ZNF385B: variants seen among roughly 807,000 people sequenced by gnomAD.
The protein encoded by ZNF385B is zinc finger protein 533.
Under a neutral mutation model 39.2 loss-of-function variants are expected in ZNF385B, and 23 were observed. That is an observed-to-expected ratio of 0.59 (90% CI 0.42 to 0.83). The LOEUF (loss-of-function observed/expected upper bound fraction) is 0.83, where lower values mean the gene tolerates loss of function less well. ZNF385B is among the 40% of genes least tolerant of loss of function. The probability of loss-of-function intolerance (pLI) is 0.00; values close to 1 mark genes in which losing one functional copy is unlikely to be tolerated. For missense variants in ZNF385B, 552 were observed against 598.9 expected, an observed-to-expected ratio of 0.92 and a Z score of 0.82; for synonymous variants, 205 against 222.6, an observed-to-expected ratio of 0.92 and a Z score of 0.70.
intron 3 of ZNF385B, among the ~76,000 whole-genome samples, chr2:179,761,604 G>T (rs1455450519): frequency 1.3e-5 from 2 of 150,784 alleles, no homozygotes; most frequent in South Asian, 2.1e-4. Flanking sequence ...TTTGAGACAG[G>T]TTCTCACTCT....
At position 179,827,731 on chromosome 2, in the gene ZNF385B, T is replaced by C. The variant is rs909473628; in HGVS notation, c.-155+33370A>G. On this transcript the variant is annotated intron_variant, in intron 1 of 9. Transcript: ENST00000410066. ...AAACATTGCCTTTCTTCTAGCATGC[T>C]GTTAAAACATAACATACATGCATAC... Among the ~76,000 whole-genome samples, 9 of 152,338 alleles carry C rather than the reference T, an allele frequency of 5.9e-5. No individual in the cohort carries two copies. The East Asian group carries it at 1.7e-3, about 29-fold the overall frequency.
At chr2:179,645,313 C>T (rs1692622577) in intron 3 of ZNF385B, among the ~76,000 whole-genome samples, 1 of 152,188 alleles carries the variant, frequency 6.6e-6, no homozygotes, top group African/African-American at 2.4e-5. Flanking sequence ...CCTTCCAGGG[C>T]TGGCTCTTAA....
intron 1 of ZNF385B, among the ~76,000 whole-genome samples, chr2:179,804,012 G>C (rs186153256): frequency 6.6e-6 from 1 of 152,120 alleles, no homozygotes. Flanking sequence ...AGGTCATTTG[G>C]GATCCAAAGC....
At chr2:179,782,793 A>C (rs948699368) in intron 1 of ZNF385B, among the ~76,000 whole-genome samples, 5 of 152,120 alleles carry the variant, frequency 3.3e-5, no homozygotes, top group African/African-American at 1.2e-4. Flanking sequence ...GAGGATCTCT[A>C]TGATGAGAAT....
intron 3 of ZNF385B, among the ~76,000 whole-genome samples, chr2:179,692,507 C>T (rs1214392893): frequency 2.0e-5 from 3 of 152,152 alleles, no homozygotes; most frequent in Non-Finnish European, 4.4e-5. Context: ...CTCCCCAACC[C>T]CATGTCAGTT....
At chr2:179,553,239 C>T (rs2060693968) in intron 3 of ZNF385B, among the ~76,000 whole-genome samples, 2 of 148,700 alleles carry the variant, frequency 1.3e-5, no homozygotes, top group Non-Finnish European at 3.0e-5. Context: ...ACTTATTTGA[C>T]CTTAGTGTAG....
At chr2:179,486,042 A>G (rs2054535884) in intron 5 of ZNF385B, among the ~76,000 whole-genome samples, 1 of 152,204 alleles carries the variant, frequency 6.6e-6, no homozygotes, top group African/African-American at 2.4e-5. Context: ...CGTGGGGAGA[A>G]AAGTGTAACA....
Position 179,726,943 on chromosome 2 carries a change from G to C in ZNF385B, c.298+42560C>G, listed in dbSNP as rs115878432. On this transcript the variant is annotated intron_variant, in intron 3 of 9. Coordinates refer to ENST00000410066, the MANE Select transcript of ZNF385B (RefSeq NM_152520.6). ...ACATTGAGCTAGTTAATGAAGAATG[G>C]AGATTAGAATCCACATTACTTTAAC... Among the ~76,000 whole-genome samples, 1,144 of 152,142 alleles carry C rather than the reference G, an allele frequency of 7.5e-3. 15 individuals are homozygous for C. The highest frequency in any genetic ancestry group is 0.026 in the African/African-American group (1,080 of 41,550).
chr2:179,635,666 C>A (rs567976375), intron 3 of ZNF385B, among the ~76,000 whole-genome samples: 1 of 152,022 alleles, frequency 6.6e-6, no homozygotes, highest in Non-Finnish European at 1.5e-5. Context: ...ATAGAAATCA[C>A]AAAATATGAA....
chr2:179,601,774 C>G (rs1688429149), intron 3 of ZNF385B, among the ~76,000 whole-genome samples: 1 of 152,068 alleles, frequency 6.6e-6, no homozygotes, highest in South Asian at 2.1e-4. Context: ...CTTAAAGAAT[C>G]AAGAGAGCCA....
intron 1 of ZNF385B, among the ~76,000 whole-genome samples, chr2:179,809,067 C>CTG (rs1706570524): frequency 6.6e-6 from 1 of 152,148 alleles, no homozygotes; most frequent in African/African-American, 2.4e-5. Context: ...AGGTTGATAG[C>CTG]TGTCAAGCTA....
chr2:179,493,425 AC>A lies in ZNF385B; in HGVS notation c.553-9992del, dbSNP rs1390509078. ...CATATATGTACACAAATGCATGTGT[AC>A]ATATATGTACGTATATGCATGTGTA... On this transcript the variant is annotated intron_variant, in intron 5 of 9. Transcript: ENST00000410066. Among the ~76,000 whole-genome samples the A allele has an allele frequency of 4.0e-5, 6 of 151,742 alleles. No homozygotes were observed. The East Asian group carries it at 5.8e-4, about 15-fold the overall frequency.
chr2:179,812,344 T>C (rs545280901), intron 1 of ZNF385B, among the ~76,000 whole-genome samples: 2 of 152,340 alleles, frequency 1.3e-5, no homozygotes, highest in East Asian at 3.9e-4. Context: ...TGTACTCACA[T>C]GTTCATTGCA....
At chr2:179,675,623 A>C (rs1394562102) in intron 3 of ZNF385B, among the ~76,000 whole-genome samples, 1 of 152,108 alleles carries the variant, frequency 6.6e-6, no homozygotes, top group African/African-American at 2.4e-5. Context: ...AAACAGGTGG[A>C]GTAAGGCAAG....
chr2:179,583,117 G>C (rs543820752), intron 3 of ZNF385B, among the ~76,000 whole-genome samples: 5 of 152,100 alleles, frequency 3.3e-5, no homozygotes, highest in Admixed American at 1.3e-4. Flanking sequence ...TTCAAAGAGA[G>C]GAGGCATGAC....
At chr2:179,690,814 G>A (rs563952346) in intron 3 of ZNF385B, among the ~76,000 whole-genome samples, 3 of 152,266 alleles carry the variant, frequency 2.0e-5, no homozygotes, top group Admixed American at 2.0e-4. Context: ...CTTAACAAAT[G>A]ACAGTTGTAA....
In ZNF385B at chr2:179,447,521, T is replaced by TA. The variant is rs577908616; in HGVS notation, c.716-752dup. Among the ~76,000 whole-genome samples the TA allele has an allele frequency of 1.1e-3, 170 of 152,330 alleles. 1 individual carries two copies. Among genetic ancestry groups the TA allele is most frequent in the African/African-American group, 4.0e-3 (165 of 41,584 alleles). ...AGGCCCATGTGCAGGCTATGAGAGT[T>TA]AGAGTGACTTTAACAGAATCTAACT... On this transcript the variant is annotated intron_variant, in intron 6 of 9. Transcript: ENST00000410066.
chr2:179,702,884 A>C (rs1405442803), intron 3 of ZNF385B, among the ~76,000 whole-genome samples: 1 of 152,156 alleles, frequency 6.6e-6, no homozygotes, highest in African/African-American at 2.4e-5. Context: ...TTTCTCCCGC[A>C]TCCCGTGTCA....
chr2:179,753,762 C>T (rs201504372), intron 3 of ZNF385B, among the ~76,000 whole-genome samples: 20,762 of 152,026 alleles, frequency 0.14, 1,903 homozygotes, highest in East Asian at 0.49. Flanking sequence ...AGAATGCTTG[C>T]GATTTTTGCA....
Sources: allele counts gnomAD v4.1 joint callset (sites outside exome capture counted in the v4.1 genomes callset), GRCh38; gene constraint gnomAD v4.1.1; transcripts MANE v1.5; gene names NCBI Gene and HGNC (gene_info 2026-07-23, HGNC 2026-07-21).